Variants in ATP8B1 observed in about 807,000 individuals in gnomAD.
ATP8B1 encodes the protein ATPase phospholipid transporting 8B1.
In ATP8B1, 80 loss-of-function variants were observed where a neutral mutation model predicts 149.9. That is an observed-to-expected ratio of 0.53 (90% CI 0.45 to 0.64). The LOEUF is 0.64. Among genes scored for constraint, ATP8B1 ranks in the 30% least tolerant of loss-of-function variants. The pLI, the probability that ATP8B1 is intolerant of heterozygous loss-of-function variation, is 0.00. For synonymous variants in ATP8B1, 536 were observed against 562.8 expected (o/e 0.95, Z 0.67); for missense variants, 1,247 against 1,552.6 (o/e 0.80, Z 3.31).
chr18:57,682,591 T>C (rs1045626723), intron 15 of ATP8B1, among the ~76,000 whole-genome samples: 1 of 152,214 alleles, frequency 6.6e-6, no homozygotes, highest in South Asian at 2.1e-4. Context: ...TATCATACTT[T>C]ATGCTTATTG....
intron 1 of ATP8B1, among the ~76,000 whole-genome samples, chr18:57,786,976 C>A (rs1009118010): frequency 6.6e-6 from 1 of 152,140 alleles, no homozygotes; most frequent in Non-Finnish European, 1.5e-5. Context: ...AGAAGAATGA[C>A]CCCTAACAAC....
chr18:57,761,944 TA>T (rs71171087), intron 1 of ATP8B1, among the ~76,000 whole-genome samples: 10,587 of 98,106 alleles, frequency 0.11, 607 homozygotes, highest in African/African-American at 0.17. Flanking sequence ...GCAAGACTGT[TA>T]AAAAAAAAAA....
rs317843 is a variant in ATP8B1, at chr18:57,668,728, C to G, written c.2098-188G>C. On this transcript the variant is annotated intron_variant, in intron 18 of 27. Transcript: ENST00000648908. ...TTCACAATTACTGCAAACCAACACA[C>G]CTAAAAACTTTTTCCCTAAAGGATG... The G allele has an allele frequency of 0.81, 432,950 of 533,880 alleles. 176,232 individuals carry two copies. Among genetic ancestry groups the G allele is most frequent in the East Asian group, 0.92 (30,244 of 32,872 alleles). 33.1% of individuals were successfully genotyped at this position (533,880 alleles called of 1,614,324 possible).
At chr18:57,771,181 A>G (rs1443350065) in intron 1 of ATP8B1, among the ~76,000 whole-genome samples, 1 of 152,224 alleles carries the variant, frequency 6.6e-6, no homozygotes, top group Admixed American at 6.5e-5. Flanking sequence ...TTTTTGTCAG[A>G]AAGAGATTTG....
At chr18:57,722,923 G>C (rs1227775457) in intron 2 of ATP8B1, among the ~76,000 whole-genome samples, 1 of 150,102 alleles carries the variant, frequency 6.7e-6, no homozygotes, top group African/African-American at 2.5e-5. Context: ...CTTCATCCCT[G>C]GGATGCAAGG....
rs564936425 is a variant in ATP8B1 at position 57,682,726 on chromosome 18, C to T, written c.1630+1310G>A. 2.6e-5 allele frequency among the ~76,000 whole-genome samples: 4 copies of T among 152,310 alleles called. No homozygotes were observed. The South Asian group carries it at 6.2e-4, about 24-fold the overall frequency. ...GCTGATAAACCCTTCCATGTATCCACCCTAATCTGAACTCTGTTACCTTGC... is the reference window on the plus strand; with the variant it reads ...GCTGATAAACCCTTCCATGTATCCATCCTAATCTGAACTCTGTTACCTTGC... On this transcript the variant is annotated intron_variant, in intron 15 of 27. Coordinates refer to ENST00000648908, the MANE Select transcript of ATP8B1 (RefSeq NM_001374385.1).
chr18:57,677,658 T>G (rs1413148315), intron 15 of ATP8B1, among the ~76,000 whole-genome samples: 1 of 152,226 alleles, frequency 6.6e-6, no homozygotes, highest in Non-Finnish European at 1.5e-5. Context: ...TCTCTGTATT[T>G]GTTCACTCAG....
At chr18:57,738,415 A>C (rs945792270) in intron 1 of ATP8B1, among the ~76,000 whole-genome samples, 1 of 152,196 alleles carries the variant, frequency 6.6e-6, no homozygotes, top group African/African-American at 2.4e-5. Context: ...ACTGAGGTCA[A>C]GAGTTCAAGA....
At chr18:57,713,228 C>T (rs1331293514) in intron 2 of ATP8B1, among the ~76,000 whole-genome samples, 87 of 113,444 alleles carry the variant, frequency 7.7e-4, no homozygotes, top group African/African-American at 2.5e-3. Flanking sequence ...TCCTTCCTTC[C>T]TTCCTTCCTT....
At chr18:57,706,837 C>G (rs1024556333) in intron 2 of ATP8B1, among the ~76,000 whole-genome samples, 4 of 152,120 alleles carry the variant, frequency 2.6e-5, no homozygotes, top group African/African-American at 7.2e-5. Context: ...GAAGACGATG[C>G]GAAGTCACAG....
chr18:57,650,366 C>T lies in ATP8B1; in HGVS notation c.3531+1G>A, dbSNP rs753965947. The stretch of plus-strand genomic sequence containing the variant: ...TTGGGAAAGGACTATATTCTTTATA[C>T]CTTATCACTTTCTGATGGCCAGATG... On this transcript the variant is annotated splice_donor_variant, in intron 27 of 27. Transcript: ENST00000648908. LOFTEE classifies it high-confidence loss of function. The T allele has an allele frequency of 7.4e-6, 12 of 1,612,706 alleles. No homozygotes were observed. In the Admixed American group the frequency reaches 1.8e-4, roughly 25 times the overall value.
Position 57,791,346 on chromosome 18 carries a change from C to CTTTT in ATP8B1, c.-26+11648_-26+11651dup, listed in dbSNP as rs1473257768. Among the ~76,000 whole-genome samples the CTTTT allele has an allele frequency of 2.2e-3, 273 of 124,836 alleles. 8 individuals are homozygous for CTTTT. The highest frequency in any genetic ancestry group is 8.9e-3 in the African/African-American group (261 of 29,406). The allele number at this position is 124,836 out of a possible 152,430, so 81.9% of individuals were successfully genotyped here. Reference sequence around the variant, plus strand: ...TTCCTTCCTTTTTTCTTTTTCTTTTCTTTTCTTTTTTTTTTTTTTTTTGAG... The same window carrying CTTTT: ...TTCCTTCCTTTTTTCTTTTTCTTTTCTTTTTTTTCTTTTTTTTTTTTTTTTTGAG... On this transcript the variant is annotated intron_variant, in intron 1 of 27. Transcript: ENST00000648908.
Position 57,766,857 on chromosome 18 carries a change from G to C in ATP8B1, c.-25-35025C>G, listed in dbSNP as rs144522784. On this transcript the variant is annotated intron_variant, in intron 1 of 27. Transcript: ENST00000648908. ...ACCTGTCCTAGGAGAGGTCAAGAAA[G>C]CCTTTCCTAGAGGAGGTGTTGCAGA... Among the ~76,000 whole-genome samples, 1,299 of 152,300 alleles carry C rather than the reference G, an allele frequency of 8.5e-3. 22 individuals are homozygous for C. Among genetic ancestry groups the C allele is most frequent in the African/African-American group, 0.029 (1,205 of 41,570 alleles).
chr18:57,648,764 G>A (rs1467255343), intron 27 of ATP8B1, 52 bp from the exon 28 acceptor site: 1 of 1,528,272 alleles, frequency 6.5e-7, no homozygotes, highest in East Asian at 2.5e-5. Context: ...CACCAGGGAG[G>A]AGGCCTGGCC....
intron 24 of ATP8B1, among the ~76,000 whole-genome samples, chr18:57,653,445 C>T (rs1258769835): frequency 6.6e-6 from 1 of 151,578 alleles, no homozygotes; most frequent in Non-Finnish European, 1.5e-5. Flanking sequence ...CACTACCATG[C>T]CCACAATTTT....
At chr18:57,729,986 T>C (rs570981432) in intron 2 of ATP8B1, among the ~76,000 whole-genome samples, 1 of 152,228 alleles carries the variant, frequency 6.6e-6, no homozygotes, top group East Asian at 1.9e-4. Context: ...TCCATCTAAA[T>C]GTTTGCTATG....
At chr18:57,662,971 C>T (rs929901588) in intron 20 of ATP8B1, among the ~76,000 whole-genome samples, 2 of 152,118 alleles carry the variant, frequency 1.3e-5, no homozygotes, top group African/African-American at 4.8e-5. Flanking sequence ...GGGCTTTGAC[C>T]ATTTTTAAGT....
intron 2 of ATP8B1, among the ~76,000 whole-genome samples, chr18:57,707,891 T>C (rs1307369790): frequency 1.3e-5 from 2 of 151,376 alleles, no homozygotes; most frequent in Non-Finnish European, 2.9e-5. Flanking sequence ...GCATGGTGGC[T>C]CATGCCTGTA....
chr18:57,727,444 T>C (rs1235921821), intron 2 of ATP8B1, among the ~76,000 whole-genome samples: 1 of 152,196 alleles, frequency 6.6e-6, no homozygotes, highest in Non-Finnish European at 1.5e-5. Flanking sequence ...TAAATATTAA[T>C]TCATAGATGC....
Sources: allele counts gnomAD v4.1 joint callset (sites outside exome capture counted in the v4.1 genomes callset), GRCh38; gene constraint gnomAD v4.1.1; transcripts MANE v1.5; gene names NCBI Gene and HGNC (gene_info 2026-07-23, HGNC 2026-07-21).